Variants in DNAJC18 observed in about 807,000 individuals in gnomAD.
DNAJC18 encodes dnaJ homolog subfamily C member 18.
In DNAJC18, 40 loss-of-function variants were observed where a neutral mutation model predicts 48.6. The observed-to-expected ratio is 0.82, with a 90% CI of 0.64 to 1.07. The LOEUF (loss-of-function observed/expected upper bound fraction) is 1.07, where lower values mean the gene tolerates loss of function less well. DNAJC18 is among the 50% of genes least tolerant of loss of function. The pLI, the probability that DNAJC18 is intolerant of heterozygous loss-of-function variation, is 0.00. For missense variants in DNAJC18, 340 were observed against 427.7 expected (o/e 0.79, Z 1.81); for synonymous variants, 135 against 152.2 (o/e 0.89, Z 0.83).
chr5:139,426,139 T>C (rs374915888), intron 4 of DNAJC18, 33 bp downstream of exon 4: 17 of 1,593,206 alleles, frequency 1.1e-5, no homozygotes, highest in Admixed American at 3.6e-5. Flanking sequence ...AATAAAGAAA[T>C]ATGTTTAAGA....
chr5:139,411,548 TA>T lies in DNAJC18; in HGVS notation c.*2599del, dbSNP rs1271033977. 1 of 152,184 alleles carries T rather than the reference TA, an allele frequency of 6.6e-6. No homozygotes were observed. Among genetic ancestry groups the T allele is most frequent in the East Asian group, 1.9e-4 (1 of 5,204 alleles). 9.4% of individuals were successfully genotyped at this position (152,184 alleles called of 1,614,324 possible). On this transcript the variant is annotated 3_prime_UTR_variant, in exon 8 of 8. Transcript: ENST00000302060. ...CCATGCAGACAACCCATCTAAAATA[TA>T]ACCCAGGAAATTATAGCTTCACAAT...
In DNAJC18 at chr5:139,412,386, G is replaced by A. The variant is rs1241330509; in HGVS notation, c.*1762C>T. 4.8e-6 allele frequency: 1 copy of A among 208,070 alleles called. No homozygotes were observed. Among genetic ancestry groups the A allele is most frequent in the Non-Finnish European group, 9.5e-6 (1 of 105,566 alleles). The allele number at this position is 208,070 out of a possible 1,614,324, so 12.9% of individuals were successfully genotyped here. On this transcript the variant is annotated 3_prime_UTR_variant, in exon 8 of 8. Coordinates refer to ENST00000302060, the MANE Select transcript of DNAJC18 (RefSeq NM_152686.4). ...AGCGATTCTCATGCCTCAGCCTCCC[G>A]AGTAGCTGGGACTACAGGCATGTGC...
At chr5:139,433,886 G>A (rs1004990284) in intron 2 of DNAJC18, among the ~76,000 whole-genome samples, 2 of 152,112 alleles carry the variant, frequency 1.3e-5, no homozygotes, top group African/African-American at 2.4e-5. Flanking sequence ...TTTGTGAGAT[G>A]GTGATGATGA....
At chr5:139,417,568 A>ATTTTTT (rs762169642) in intron 7 of DNAJC18, among the ~76,000 whole-genome samples, 1 of 114,474 alleles carries the variant, frequency 8.7e-6, no homozygotes, top group Non-Finnish European at 1.8e-5. Flanking sequence ...TACTCACTGG[A>ATTTTTT]TTTTTTTTTT....
At chr5:139,417,959 C>G (rs893717639) in intron 7 of DNAJC18, among the ~76,000 whole-genome samples, 2 of 152,126 alleles carry the variant, frequency 1.3e-5, no homozygotes, top group African/African-American at 4.8e-5. Context: ...TGAGAAACTA[C>G]CTCTGGTGCA....
chr5:139,421,018 A>G (rs1759143650), intron 6 of DNAJC18, among the ~76,000 whole-genome samples: 1 of 151,906 alleles, frequency 6.6e-6, no homozygotes, highest in African/African-American at 2.4e-5. Flanking sequence ...CTCTCCCCTC[A>G]CTCTAAGGTT....
At chr5:139,422,928 C>G in intron 5 of DNAJC18, 111 bp from the exon 6 acceptor site, 2 of 564,122 alleles carry the variant, frequency 3.5e-6, no homozygotes, top group Non-Finnish European at 5.8e-6. Context: ...CTCCGCCTCT[C>G]GGGTTCACGC....
intron 2 of DNAJC18, among the ~76,000 whole-genome samples, chr5:139,435,732 T>TTTTTTTTTTTTTTTTTTTTTC (rs1750635055): frequency 7.8e-6 from 1 of 128,490 alleles, no homozygotes; most frequent in African/African-American, 3.1e-5. Flanking sequence ...TTTTTTTTTT[T>TTTTTTTTTTTTTTTTTTTTTC]CAGACAAGGT....
At chr5:139,428,932 T>C (rs927328408) in intron 2 of DNAJC18, among the ~76,000 whole-genome samples, 3 of 152,064 alleles carry the variant, frequency 2.0e-5, no homozygotes, top group Admixed American at 2.0e-4. Flanking sequence ...GTAGAACAAG[T>C]ATGCTAATTG....
At chr5:139,431,976 C>A (rs781765936) in intron 2 of DNAJC18, among the ~76,000 whole-genome samples, 1 of 152,084 alleles carries the variant, frequency 6.6e-6, no homozygotes, top group Non-Finnish European at 1.5e-5. Context: ...ATATATATAT[C>A]TTCTTTATTC....
In DNAJC18 at chr5:139,410,586, A is replaced by G. The variant is rs1758979670; in HGVS notation, c.*3562T>C. ...TGCAAGCTCCTGTGAGGAGCAGTGC[A>G]TGCAGATGATGTACTTGCTTGTATG... is the stretch of plus-strand genomic sequence containing the variant. On this transcript the variant is annotated 3_prime_UTR_variant, in exon 8 of 8. Transcript: ENST00000302060. 1 of 152,220 alleles carries G rather than the reference A, an allele frequency of 6.6e-6. No homozygotes were observed. The highest frequency in any genetic ancestry group is 6.5e-5 in the Admixed American group (1 of 15,278). The allele number at this position is 152,220 out of a possible 1,614,324, so 9.4% of individuals were successfully genotyped here. A position where few individuals can be genotyped will look rare whatever the true frequency, so the allele number is the denominator to read the frequency against.
chr5:139,427,309 G>A (rs11748320), intron 3 of DNAJC18, among the ~76,000 whole-genome samples: 83,136 of 151,974 alleles, frequency 0.55, 25,104 homozygotes, highest in Non-Finnish European at 0.69. Context: ...TCTATGTACA[G>A]ACGTGCAAAC....
chr5:139,420,453 T>C (rs890882946), intron 6 of DNAJC18: 1 of 496,520 alleles, frequency 2.0e-6, no homozygotes, highest in South Asian at 3.0e-5. Context: ...TCAGCATAGT[T>C]TATTCTCTTA....
In DNAJC18 at chr5:139,413,183, C is replaced by G. The variant is rs1299962841; in HGVS notation, c.*965G>C. 3.5e-6 allele frequency: 1 copy of G among 283,676 alleles called. No homozygotes were observed. The highest frequency in any genetic ancestry group is 6.1e-5 in the East Asian group (1 of 16,404). 17.6% of individuals were successfully genotyped at this position (283,676 alleles called of 1,614,324 possible). A position where few individuals can be genotyped will look rare whatever the true frequency, so the allele number is the denominator to read the frequency against. Reference sequence around the variant, plus strand: ...ATCTCAAATCACAAACTATAGGATACTGGGTTAAACAAAGTGGCTGCTGGG... The same window carrying G: ...ATCTCAAATCACAAACTATAGGATAGTGGGTTAAACAAAGTGGCTGCTGGG... On this transcript the variant is annotated 3_prime_UTR_variant, in exon 8 of 8. Coordinates refer to ENST00000302060, the MANE Select transcript of DNAJC18 (RefSeq NM_152686.4).
Position 139,413,210 on chromosome 5 carries a change from C to A in DNAJC18, c.*938G>T. 1 of 226,576 alleles carries A rather than the reference C, an allele frequency of 4.4e-6. No individual in the cohort carries two copies. Among genetic ancestry groups the A allele is most frequent in the Non-Finnish European group, 8.5e-6 (1 of 117,456 alleles). 14.0% of individuals were successfully genotyped at this position (226,576 alleles called of 1,614,324 possible). On this transcript the variant is annotated 3_prime_UTR_variant, in exon 8 of 8. Coordinates refer to ENST00000302060, the MANE Select transcript of DNAJC18 (RefSeq NM_152686.4). The stretch of plus-strand genomic sequence containing the variant: ...GGGTTAAACAAAGTGGCTGCTGGGG[C>A]CAAAGCTAGACCCCCATATCCAAGG...
rs1480677412 is a variant in DNAJC18, at chr5:139,411,642, A to G, written c.*2506T>C. ...AAATACGGTTCCCTTGAGGAAAAACAGATGTGAATGTTGTGGTCTATTGGC... is the reference window on the plus strand; with the variant it reads ...AAATACGGTTCCCTTGAGGAAAAACGGATGTGAATGTTGTGGTCTATTGGC... On this transcript the variant is annotated 3_prime_UTR_variant, in exon 8 of 8. Coordinates refer to ENST00000302060, the MANE Select transcript of DNAJC18 (RefSeq NM_152686.4). 1 of 152,254 alleles carries G rather than the reference A, an allele frequency of 6.6e-6. No individual in the cohort carries two copies. The highest frequency in any genetic ancestry group is 6.5e-5 in the Admixed American group (1 of 15,288). 9.4% of individuals were successfully genotyped at this position (152,254 alleles called of 1,614,324 possible).
chr5:139,435,370 G>A (rs1750620865), intron 2 of DNAJC18, among the ~76,000 whole-genome samples: 1 of 151,828 alleles, frequency 6.6e-6, no homozygotes, highest in Non-Finnish European at 1.5e-5. Context: ...AAAGAGTGTT[G>A]GATTTTGTTA....
chr5:139,430,713 G>T (rs1488983057), intron 2 of DNAJC18, among the ~76,000 whole-genome samples: 2 of 151,692 alleles, frequency 1.3e-5, no homozygotes, highest in Non-Finnish European at 2.9e-5. Flanking sequence ...GTGACTACAG[G>T]CTTGCATCAC....
chr5:139,437,044 A>C (rs1750679308), intron 2 of DNAJC18, among the ~76,000 whole-genome samples: 1 of 152,164 alleles, frequency 6.6e-6, no homozygotes, highest in South Asian at 2.1e-4. Context: ...GGCTTGTTTT[A>C]TGACCTAAGA....
Sources: allele counts gnomAD v4.1 joint callset (sites outside exome capture counted in the v4.1 genomes callset), GRCh38; gene constraint gnomAD v4.1.1; transcripts MANE v1.5; gene names NCBI Gene and HGNC (gene_info 2026-07-23, HGNC 2026-07-21).